The following TTC7B variants were observed in gnomAD, a reference collection of about 807,000 sequenced individuals.
The protein encoded by TTC7B is tetratricopeptide repeat protein 7B.
In TTC7B, 28 loss-of-function variants were observed where a neutral mutation model predicts 106.8. The ratio of observed to expected loss-of-function variants is 0.26; its 90% CI spans 0.19 to 0.36. The LOEUF (loss-of-function observed/expected upper bound fraction) is 0.36, where lower values mean the gene tolerates loss of function less well. Ranked by LOEUF, TTC7B falls within the 10% of genes least tolerant of loss-of-function variation. The pLI is 1.00. For synonymous variants in TTC7B, 405 were observed against 430.6 expected (o/e 0.94, Z 0.74); for missense variants, 862 against 1,076.4 (o/e 0.80, Z 2.79).
rs537295892 is a variant in TTC7B at position 90,617,915 on chromosome 14, T to G, written c.1868+14A>C. 3.7e-6 allele frequency: 6 copies of G among 1,606,468 alleles called. No individual in the cohort carries two copies. In the South Asian group the frequency reaches 5.5e-5, roughly 15 times the overall value. On this transcript the variant is annotated intron_variant, in intron 16 of 19. Transcript: ENST00000328459. ...TGCAAAAGCCACGCAAAGCAGGCCC[T>G]GCTGGCCTCTTACCTGGGGTTGGTG...
intron 5 of TTC7B, among the ~76,000 whole-genome samples, chr14:90,700,595 G>C (rs1204910282): frequency 1.3e-5 from 2 of 151,672 alleles, no homozygotes; most frequent in Non-Finnish European, 2.9e-5. Context: ...TTGCTGAAAA[G>C]AGTTATCTCA....
chr14:90,621,546 C>T (rs541389065), intron 15 of TTC7B, among the ~76,000 whole-genome samples: 1 of 151,592 alleles, frequency 6.6e-6, no homozygotes, highest in South Asian at 2.1e-4. Context: ...CACGTGGGTA[C>T]GGCTGGGACA....
intron 15 of TTC7B, among the ~76,000 whole-genome samples, chr14:90,640,007 G>A (rs983647943): frequency 6.6e-6 from 1 of 152,154 alleles, no homozygotes; most frequent in Non-Finnish European, 1.5e-5. Context: ...CGCCGGGTGC[G>A]GTAGCTCAGG....
At position 90,780,452 on chromosome 14, in the gene TTC7B, A is replaced by G. The variant is rs948319610; in HGVS notation, c.445+286T>C. The stretch of plus-strand genomic sequence containing the variant: ...GAAAGAGAGAGAGAGAGAAGGAAAG[A>G]AAAGAAAGAAAGAAAGAAAAAGAAA... On this transcript the variant is annotated intron_variant, in intron 3 of 19. Coordinates refer to ENST00000328459, the MANE Select transcript of TTC7B (RefSeq NM_001010854.2). Among the ~76,000 whole-genome samples, 8 of 117,734 alleles carry G rather than the reference A, an allele frequency of 6.8e-5. No homozygotes were observed. In the South Asian group the frequency reaches 2.1e-3, roughly 31 times the overall value. The allele number at this position is 117,734 out of a possible 152,430, so 77.2% of individuals were successfully genotyped here.
At chr14:90,734,714 C>T (rs930869152) in intron 4 of TTC7B, among the ~76,000 whole-genome samples, 7 of 152,092 alleles carry the variant, frequency 4.6e-5, no homozygotes, top group Non-Finnish European at 1.0e-4. Context: ...AGAATTCCCA[C>T]CACAGCACTC....
At chr14:90,637,336 A>G (rs934640081) in intron 15 of TTC7B, among the ~76,000 whole-genome samples, 2 of 152,158 alleles carry the variant, frequency 1.3e-5, no homozygotes, top group African/African-American at 4.8e-5. Flanking sequence ...ATAAAAAAAA[A>G]GAAATAGAAG....
chr14:90,782,470 A>G (rs1349067974), intron 2 of TTC7B, among the ~76,000 whole-genome samples: 1 of 152,062 alleles, frequency 6.6e-6, no homozygotes, highest in Admixed American at 6.6e-5. Flanking sequence ...ATGGTGGTGC[A>G]CACCTGTAAT....
intron 5 of TTC7B, among the ~76,000 whole-genome samples, chr14:90,696,743 A>G (rs1175624049): frequency 6.6e-6 from 1 of 152,160 alleles, no homozygotes; most frequent in Non-Finnish European, 1.5e-5. Flanking sequence ...TAGTCCTCTC[A>G]CCCACACATA....
intron 17 of TTC7B, chr14:90,593,897 G>A (rs1353106917): frequency 3.0e-6 from 1 of 331,316 alleles, no homozygotes; most frequent in East Asian, 4.8e-5. Flanking sequence ...TGGGGGGCCA[G>A]ATACACAGCT....
At chr14:90,728,475 C>A (rs1274032291) in intron 5 of TTC7B, among the ~76,000 whole-genome samples, 2 of 151,402 alleles carry the variant, frequency 1.3e-5, no homozygotes, top group African/African-American at 2.4e-5. Context: ...CTTAAGGCTA[C>A]ATCAACAGGC....
In TTC7B at chr14:90,786,290, C is replaced by T. The variant is rs1326650051; in HGVS notation, c.160G>A (p.Glu54Lys). 2 of 1,613,382 alleles carry T rather than the reference C, an allele frequency of 1.2e-6. No homozygotes were observed. The highest frequency in any genetic ancestry group is 1.7e-5 in the Admixed American group (1 of 59,974). ...AELLLGESKL[E>K]QYLKEHPLRQ... Reference sequence around the variant, plus strand: ...AGGGGGTGTTCCTTCAGGTACTGCTCCAGCTTCGACTCCCCGAGGAGAAGC... The same window carrying T: ...AGGGGGTGTTCCTTCAGGTACTGCTTCAGCTTCGACTCCCCGAGGAGAAGC... Residue 54 changes from glutamate to lysine, a missense_variant, in exon 2 of 20, where the codon GAG (glutamate) becomes AAG (lysine). By Grantham distance (56) the Glu-to-Lys change is moderately conservative (BLOSUM62 1). Coordinates refer to ENST00000328459, the MANE Select transcript of TTC7B (RefSeq NM_001010854.2).
At chr14:90,671,918 G>C (rs1886649085) in intron 9 of TTC7B, among the ~76,000 whole-genome samples, 1 of 152,208 alleles carries the variant, frequency 6.6e-6, no homozygotes, top group Non-Finnish European at 1.5e-5. Context: ...TTGAGAAAGA[G>C]AGGCTCTGCT....
At chr14:90,697,921 A>G (rs1036909516) in intron 5 of TTC7B, 1 of 152,268 alleles carries the variant, frequency 6.6e-6, no homozygotes, top group Admixed American at 6.5e-5. Context: ...TTTAAGATTC[A>G]GAAGCAAATT....
chr14:90,816,264 T>A lies in TTC7B; in HGVS notation c.32A>T (p.Glu11Val). MATKKAGSRL[E>V]TEIERCRSEC... Reference sequence around the variant, plus strand: ...GGAGCGGCAGCGCTCGATCTCCGTCTCCAGCCGCGAGCCTGCCTTCTTGGT... The same window carrying A: ...GGAGCGGCAGCGCTCGATCTCCGTCACCAGCCGCGAGCCTGCCTTCTTGGT... The change falls in exon 1 of 20, where the codon GAG becomes GTG. Residue 11 changes from glutamate (E) to valine (V), a missense_variant. Coordinates refer to ENST00000328459, the MANE Select transcript of TTC7B (RefSeq NM_001010854.2). 8.1e-7 allele frequency: 1 copy of A among 1,240,402 alleles called. No homozygotes were observed. Among genetic ancestry groups the A allele is most frequent in the Non-Finnish European group, 1.0e-6 (1 of 961,016 alleles). The allele number at this position is 1,240,402 out of a possible 1,614,324, so 76.8% of individuals were successfully genotyped here.
intron 3 of TTC7B, among the ~76,000 whole-genome samples, chr14:90,760,498 C>G (rs984222029): frequency 1.4e-4 from 22 of 152,214 alleles, no homozygotes; most frequent in African/African-American, 4.3e-4. Context: ...CTCACACTGG[C>G]TTGTCCTGAC....
chr14:90,770,349 T>G (rs183689854), intron 3 of TTC7B, among the ~76,000 whole-genome samples: 1 of 152,116 alleles, frequency 6.6e-6, no homozygotes, highest in African/African-American at 2.4e-5. Flanking sequence ...TCAATAACCC[T>G]CTCTTAAGAA....
chr14:90,565,462 C>T (rs974454534), intron 19 of TTC7B, among the ~76,000 whole-genome samples: 11 of 133,286 alleles, frequency 8.3e-5, no homozygotes, highest in East Asian at 2.2e-4. Context: ...AGTGCTGTGG[C>T]GTGATCTCGG....
At chr14:90,662,834 A>G (rs1886263003) in intron 9 of TTC7B, among the ~76,000 whole-genome samples, 1 of 152,262 alleles carries the variant, frequency 6.6e-6, no homozygotes, top group Admixed American at 6.5e-5. Flanking sequence ...AGGAATGGAA[A>G]CACAACAAAT....
At chr14:90,692,406 T>C (rs1050531545) in intron 6 of TTC7B, among the ~76,000 whole-genome samples, 2 of 152,210 alleles carry the variant, frequency 1.3e-5, no homozygotes, top group Non-Finnish European at 2.9e-5. Flanking sequence ...CAAAGCAACT[T>C]TTCCATCTCA....
Sources: gnomAD v4.1 joint callset for allele counts (sites outside exome capture counted in the v4.1 genomes callset) on GRCh38, gnomAD v4.1.1 for gene constraint, MANE v1.5 for transcripts, NCBI Gene and HGNC (gene_info 2026-07-23, HGNC 2026-07-21) for gene names.